The following DPYD variants were observed in gnomAD, a reference collection of about 807,000 sequenced individuals.
DPYD encodes dihydropyrimidine dehydrogenase [NADP(+)].
A neutral mutation model predicts 116.2 loss-of-function variants in DPYD; 109 were observed. The observed-to-expected ratio is 0.94, with a 90% CI of 0.80 to 1.10. DPYD has a LOEUF of 1.10. DPYD is among the 50% of genes least tolerant of loss of function. The pLI, the probability that DPYD is intolerant of heterozygous loss-of-function variation, is 0.00. For missense variants in DPYD, 1,302 were observed against 1,254.5 expected (o/e 1.04, Z -0.57); for synonymous variants, 440 against 432.0 (o/e 1.02, Z -0.23).
At chr1:97,224,582 T>C (rs193206134) in intron 19 of DPYD, among the ~76,000 whole-genome samples, 21 of 152,092 alleles carry the variant, frequency 1.4e-4, no homozygotes, top group African/African-American at 4.8e-4. Flanking sequence ...ACTAGATTAC[T>C]TGTGCTGTGC....
rs1570418657 is a variant in DPYD at position 97,078,872 on chromosome 1, T to C, written c.*104A>G. ...TACATATTTTTATTTAGAAAATGTA[T>C]ATTTGTTTTAATTTGGAAAGAGCTG... is the stretch of plus-strand genomic sequence containing the variant. On this transcript the variant is annotated 3_prime_UTR_variant, in exon 23 of 23. Coordinates refer to ENST00000370192, the MANE Select transcript of DPYD (RefSeq NM_000110.4). The C allele has an allele frequency of 2.3e-6, 3 of 1,312,616 alleles. No individual in the cohort carries two copies. Among genetic ancestry groups the C allele is most frequent in the East Asian group, 4.7e-5 (2 of 42,954 alleles). 81.3% of individuals were successfully genotyped at this position (1,312,616 alleles called of 1,614,324 possible). A position where few individuals can be genotyped will look rare whatever the true frequency, so the allele number is the denominator to read the frequency against.
intron 13 of DPYD, among the ~76,000 whole-genome samples, chr1:97,509,293 C>T (rs974763697): frequency 6.6e-6 from 1 of 151,970 alleles, no homozygotes; most frequent in Admixed American, 6.6e-5. Flanking sequence ...GTGGCCCTGG[C>T]TTTGGCATTG....
intron 14 of DPYD, among the ~76,000 whole-genome samples, chr1:97,438,300 A>G (rs1033492323): frequency 2.6e-5 from 4 of 152,094 alleles, no homozygotes; most frequent in Admixed American, 6.5e-5. Context: ...TCCATAGATA[A>G]AAATGGGAAG....
chr1:97,804,121 T>C (rs558350892), intron 3 of DPYD, among the ~76,000 whole-genome samples: 40 of 151,936 alleles, frequency 2.6e-4, no homozygotes, highest in Non-Finnish European at 4.6e-4. Context: ...TTTGTTGTTA[T>C]ATTAAACGTT....
chr1:97,145,023 T>A (rs553065319), intron 20 of DPYD, among the ~76,000 whole-genome samples: 22 of 152,256 alleles, frequency 1.4e-4, no homozygotes, highest in African/African-American at 5.3e-4. Flanking sequence ...CTGGGGCAAG[T>A]GTGCACTACT....
At position 97,249,338 on chromosome 1, in the gene DPYD, A is replaced by C. The variant is rs564593343; in HGVS notation, c.2300-14344T>G. Among the ~76,000 whole-genome samples the C allele has an allele frequency of 3.9e-5, 6 of 152,272 alleles. No individual in the cohort carries two copies. The East Asian group carries it at 9.6e-4, about 24-fold the overall frequency. On this transcript the variant is annotated intron_variant, in intron 18 of 22. Coordinates refer to ENST00000370192, the MANE Select transcript of DPYD (RefSeq NM_000110.4). The stretch of plus-strand genomic sequence containing the variant: ...TCAGTTCAATGAGGGGAAAAAAGCC[A>C]TTCTAACAAATGGTGTGAGAAAAGC...
chr1:97,308,904 G>T (rs1418455792), intron 16 of DPYD, among the ~76,000 whole-genome samples: 1 of 151,774 alleles, frequency 6.6e-6, no homozygotes, highest in Non-Finnish European at 1.5e-5. Flanking sequence ...CATACAAGGA[G>T]AAGAAGAAGA....
At chr1:97,220,887 G>C (rs1660730359) in intron 19 of DPYD, among the ~76,000 whole-genome samples, 1 of 151,930 alleles carries the variant, frequency 6.6e-6, no homozygotes, top group South Asian at 2.1e-4. Context: ...ATTTTTCTGA[G>C]TCTACTTTGT....
At chr1:97,811,012 T>C (rs918199376) in intron 3 of DPYD, among the ~76,000 whole-genome samples, 2 of 152,120 alleles carry the variant, frequency 1.3e-5, no homozygotes, top group African/African-American at 4.8e-5. Flanking sequence ...TGCCCACAAA[T>C]ACTTTACATC....
chr1:97,573,939 A>T lies in DPYD; in HGVS notation c.1160T>A (p.Phe387Tyr). ...MELAKEEKCE[F>Y]LPFLSPRKVI... is the part of the protein sequence containing the mutation. Reference sequence around the variant, plus strand: ...CTTCCGTGGGGACAGGAATGGCAGAAATTCACACTTTTCTTCCTTAGCAAG... The same window carrying T: ...CTTCCGTGGGGACAGGAATGGCAGATATTCACACTTTTCTTCCTTAGCAAG... The change falls in exon 11 of 23, where the codon TTT (phenylalanine) becomes TAT (tyrosine). Residue 387 changes from phenylalanine (F) to tyrosine (Y), a missense_variant. By Grantham distance (22) the Phe-to-Tyr change is conservative. Transcript: ENST00000370192. 6.2e-7 allele frequency: 1 copy of T among 1,613,628 alleles called. No homozygotes were observed. Among genetic ancestry groups the T allele is most frequent in the South Asian group, 1.1e-5 (1 of 91,082 alleles).
chr1:97,873,232 TAATA>T (rs1458948607), intron 2 of DPYD, among the ~76,000 whole-genome samples: 2 of 151,980 alleles, frequency 1.3e-5, no homozygotes, highest in Admixed American at 6.6e-5. Flanking sequence ...ATTTAGTAAT[TAATA>T]AATATGTACA....
intron 11 of DPYD, among the ~76,000 whole-genome samples, chr1:97,550,103 A>C (rs75615748): frequency 6.6e-6 from 1 of 152,182 alleles, no homozygotes; most frequent in African/African-American, 2.4e-5. Flanking sequence ...CATTTTTACA[A>C]ATCTGTTACT....
intron 3 of DPYD, among the ~76,000 whole-genome samples, chr1:97,805,852 T>C (rs1466727530): frequency 1.3e-5 from 2 of 151,844 alleles, no homozygotes; most frequent in African/African-American, 4.8e-5. Context: ...GGACACATAC[T>C]GAATTCAAGA....
intron 18 of DPYD, among the ~76,000 whole-genome samples, chr1:97,274,460 G>A (rs1664804647): frequency 6.6e-6 from 1 of 152,244 alleles, no homozygotes; most frequent in Non-Finnish European, 1.5e-5. Flanking sequence ...GCTTCCTGAG[G>A]TCCTCACTAG....
intron 8 of DPYD, among the ~76,000 whole-genome samples, chr1:97,597,494 G>A (rs1321098587): frequency 1.3e-5 from 2 of 152,190 alleles, no homozygotes; most frequent in African/African-American, 2.4e-5. Context: ...TCCTGTGAAG[G>A]TTAGGGTTAG....
At chr1:97,651,311 G>A (rs538446373) in intron 8 of DPYD, among the ~76,000 whole-genome samples, 17 of 152,150 alleles carry the variant, frequency 1.1e-4, no homozygotes, top group African/African-American at 3.9e-4. Flanking sequence ...ATGACAAAGT[G>A]TACTTGAACA....
chr1:97,230,183 T>G (rs1362209817), intron 19 of DPYD, among the ~76,000 whole-genome samples: 1 of 152,192 alleles, frequency 6.6e-6, no homozygotes, highest in Non-Finnish European at 1.5e-5. Context: ...CACATGCATA[T>G]GTATGTTCAC....
intron 16 of DPYD, among the ~76,000 whole-genome samples, chr1:97,331,211 T>A (rs1445894281): frequency 6.6e-6 from 1 of 152,134 alleles, no homozygotes; most frequent in Non-Finnish European, 1.5e-5. Context: ...TGGTGGCTCA[T>A]GCCTGTAATT....
chr1:97,697,247 C>T (rs576544107), intron 6 of DPYD, among the ~76,000 whole-genome samples: 2 of 151,672 alleles, frequency 1.3e-5, no homozygotes, highest in Non-Finnish European at 2.9e-5. Context: ...AGATATTTTT[C>T]ACTGACTCCA....
Sources: allele counts gnomAD v4.1 joint callset (sites outside exome capture counted in the v4.1 genomes callset), GRCh38; gene constraint gnomAD v4.1.1; transcripts MANE v1.5; gene names NCBI Gene and HGNC (gene_info 2026-07-23, HGNC 2026-07-21).